CEP112: variants seen among roughly 807,000 people sequenced by gnomAD.
The protein encoded by CEP112 is centrosomal protein 112.
In CEP112, 127 loss-of-function variants were observed where a neutral mutation model predicts 153.0. That is an observed-to-expected ratio of 0.83 (90% CI 0.72 to 0.96). CEP112 has a LOEUF of 0.96. CEP112 is among the 40% of genes least tolerant of loss of function. The pLI, the probability that CEP112 is intolerant of heterozygous loss-of-function variation, is 0.00. For missense variants in CEP112, 1,089 were observed against 1,101.2 expected, an observed-to-expected ratio of 0.99 and a Z score of 0.16; for synonymous variants, 358 against 374.4, an observed-to-expected ratio of 0.96 and a Z score of 0.51.
chr17:66,176,312 A>G (rs1598498783), intron 3 of CEP112, among the ~76,000 whole-genome samples: 1 of 152,230 alleles, frequency 6.6e-6, no homozygotes, highest in African/African-American at 2.4e-5. Flanking sequence ...GTGACAATTT[A>G]TCCACCAAGC....
chr17:65,969,915 T>C (rs1008257556), intron 17 of CEP112, among the ~76,000 whole-genome samples: 2 of 150,558 alleles, frequency 1.3e-5, no homozygotes, highest in African/African-American at 5.0e-5. Flanking sequence ...GCATATTACA[T>C]GCATATCACA....
At chr17:65,837,830 G>C (rs2146191865) in intron 21 of CEP112, among the ~76,000 whole-genome samples, 1 of 152,272 alleles carries the variant, frequency 6.6e-6, no homozygotes, top group South Asian at 2.1e-4. Flanking sequence ...TGTCCACTAA[G>C]GGTTAAATGG....
chr17:65,744,871 A>G (rs1413640880), intron 22 of CEP112, among the ~76,000 whole-genome samples: 1 of 152,204 alleles, frequency 6.6e-6, no homozygotes, highest in Non-Finnish European at 1.5e-5. Flanking sequence ...GTTTCTTCTA[A>G]TAAAAGAAAC....
chr17:65,970,546 A>G (rs2062691063), intron 17 of CEP112, among the ~76,000 whole-genome samples: 1 of 152,116 alleles, frequency 6.6e-6, no homozygotes, highest in Non-Finnish European at 1.5e-5. Context: ...CATGAATATT[A>G]CATGAAAGTT....
intron 4 of CEP112, among the ~76,000 whole-genome samples, chr17:66,139,923 A>G (rs1178654448): frequency 6.6e-6 from 1 of 152,190 alleles, no homozygotes; most frequent in Admixed American, 6.5e-5. Context: ...TCCCAAATTC[A>G]TTTTACAAAG....
At chr17:66,008,396 C>G (rs1023119604) in intron 16 of CEP112, among the ~76,000 whole-genome samples, 1 of 152,092 alleles carries the variant, frequency 6.6e-6, no homozygotes, top group South Asian at 2.1e-4. Flanking sequence ...CACTGCCACC[C>G]AGGCTGAAGT....
At chr17:65,812,230 T>G (rs1598655715) in intron 21 of CEP112, among the ~76,000 whole-genome samples, 1 of 152,148 alleles carries the variant, frequency 6.6e-6, no homozygotes, top group Non-Finnish European at 1.5e-5. Flanking sequence ...GTCTTGATCT[T>G]CTGACCTCAT....
intron 16 of CEP112, among the ~76,000 whole-genome samples, chr17:66,017,324 T>C (rs1484751306): frequency 6.6e-6 from 1 of 152,224 alleles, no homozygotes; most frequent in East Asian, 1.9e-4. Flanking sequence ...ATCTAATTTA[T>C]TGCTTCTAAA....
chr17:65,713,826 G>A (rs2049337483), intron 23 of CEP112, among the ~76,000 whole-genome samples: 1 of 152,018 alleles, frequency 6.6e-6, no homozygotes, highest in Non-Finnish European at 1.5e-5. Context: ...CTGACCTCGT[G>A]ATCCGCCCGC....
At position 66,183,185 on chromosome 17, in the gene CEP112, T is replaced by C; in HGVS notation, c.106+9A>G. The C allele has an allele frequency of 6.5e-7, 1 of 1,533,480 alleles. No individual in the cohort carries two copies. Among genetic ancestry groups the C allele is most frequent in the Non-Finnish European group, 8.9e-7 (1 of 1,129,402 alleles). 95.0% of individuals were successfully genotyped at this position (1,533,480 alleles called of 1,614,324 possible). A position where few individuals can be genotyped will look rare whatever the true frequency, so the allele number is the denominator to read the frequency against. On this transcript the variant is annotated intron_variant, in intron 2 of 26. Coordinates refer to ENST00000535342, the MANE Select transcript of CEP112 (RefSeq NM_001199165.4). ...ATCTTAAGAATCTAATCTTCAAACA[T>C]AATCTTACCTGTCCTATGAGGTAAT...
At chr17:66,103,349 A>T (rs1167323648) in intron 6 of CEP112, among the ~76,000 whole-genome samples, 4 of 152,078 alleles carry the variant, frequency 2.6e-5, no homozygotes, top group Admixed American at 1.3e-4. Flanking sequence ...GCATTTTTTT[A>T]AAAAAGATAA....
chr17:65,702,827 A>G (rs232147), intron 23 of CEP112, among the ~76,000 whole-genome samples: 77,804 of 151,866 alleles, frequency 0.51, 21,150 homozygotes, highest in African/African-American at 0.68. Flanking sequence ...AGAATGTGTA[A>G]GGGAACTGCC....
chr17:65,964,423 T>C (rs1008241993), intron 17 of CEP112, among the ~76,000 whole-genome samples: 1 of 152,248 alleles, frequency 6.6e-6, no homozygotes, highest in Non-Finnish European at 1.5e-5. Flanking sequence ...TTCTATATTA[T>C]TCTGTTCAAG....
intron 23 of CEP112, among the ~76,000 whole-genome samples, chr17:65,729,508 T>A (rs1292064826): frequency 6.6e-6 from 1 of 152,186 alleles, no homozygotes; most frequent in Middle Eastern, 3.2e-3. Flanking sequence ...AAGGCTTACA[T>A]TTATGTCATT....
chr17:66,133,148 A>C (rs2070275831), intron 4 of CEP112, among the ~76,000 whole-genome samples: 1 of 152,174 alleles, frequency 6.6e-6, no homozygotes, highest in African/African-American at 2.4e-5. Context: ...CATTTCATTT[A>C]AATTATAAGA....
At chr17:65,881,079 C>A (rs1356266352) in intron 20 of CEP112, among the ~76,000 whole-genome samples, 1 of 152,014 alleles carries the variant, frequency 6.6e-6, no homozygotes, top group African/African-American at 2.4e-5. Context: ...GCCAGGCATG[C>A]TGGCATGCGC....
intron 4 of CEP112, among the ~76,000 whole-genome samples, chr17:66,149,393 T>C (rs1002156405): frequency 1.3e-5 from 2 of 152,236 alleles, no homozygotes; most frequent in African/African-American, 2.4e-5. Flanking sequence ...TTTGAAAAGT[T>C]TGAAGAGGGA....
intron 11 of CEP112, among the ~76,000 whole-genome samples, chr17:66,061,755 A>G (rs910983262): frequency 6.6e-6 from 1 of 152,176 alleles, no homozygotes; most frequent in Non-Finnish European, 1.5e-5. Flanking sequence ...ATAGAAGTAG[A>G]GAACAGATAG....
At chr17:65,954,154 G>A (rs561439886) in intron 18 of CEP112, among the ~76,000 whole-genome samples, 6 of 152,242 alleles carry the variant, frequency 3.9e-5, no homozygotes, top group South Asian at 2.1e-4. Flanking sequence ...GCTACAAGAC[G>A]TAAAGACAGA....
Sources: allele counts gnomAD v4.1 joint callset (sites outside exome capture counted in the v4.1 genomes callset), GRCh38; gene constraint gnomAD v4.1.1; transcripts MANE v1.5; gene names NCBI Gene and HGNC (gene_info 2026-07-23, HGNC 2026-07-21).